The following INTS9 variants were observed in gnomAD, a reference collection of about 807,000 sequenced individuals.
INTS9 encodes the protein integrator complex subunit 9, also known as protein related to CPSF subunits of 74 kDa.
INTS9 carries 55 observed loss-of-function variants against 79.7 expected under a neutral mutation model. The ratio of observed to expected loss-of-function variants is 0.69; its 90% CI spans 0.56 to 0.86. The LOEUF (loss-of-function observed/expected upper bound fraction) is 0.86, where lower values mean the gene tolerates loss of function less well. INTS9 is among the 40% of genes least tolerant of loss of function. The pLI is 0.00. For synonymous variants in INTS9, 319 were observed against 325.2 expected (o/e 0.98, Z 0.20); for missense variants, 721 against 831.5 (o/e 0.87, Z 1.64).
In INTS9 at chr8:28,849,682, G is replaced by C. The variant is rs1807719383; in HGVS notation, c.198+531C>G. On this transcript the variant is annotated intron_variant, in intron 3 of 16. Transcript: ENST00000521022. ...TGGACCGTTCCCCACACAGTGGCCA[G>C]AGTGATCCGATCTGACAATGCCACT... Among the ~76,000 whole-genome samples the C allele has an allele frequency of 2.6e-5, 4 of 152,126 alleles. No individual in the cohort carries two copies. The South Asian group carries it at 8.3e-4, about 32-fold the overall frequency.
chr8:28,857,020 T>C (rs1808205613), intron 2 of INTS9, among the ~76,000 whole-genome samples: 1 of 152,198 alleles, frequency 6.6e-6, no homozygotes, highest in African/African-American at 2.4e-5. Flanking sequence ...TGGCCTCCAG[T>C]TGCATCCATG....
At chr8:28,819,799 T>C (rs1019629313) in intron 6 of INTS9, among the ~76,000 whole-genome samples, 2 of 152,212 alleles carry the variant, frequency 1.3e-5, no homozygotes, top group African/African-American at 2.4e-5. Flanking sequence ...AGTCTCTTTG[T>C]AGGTCACTCA....
rs867764608 is a variant in INTS9, at chr8:28,881,929, C to G, written c.9+7945G>C. On this transcript the variant is annotated intron_variant, in intron 1 of 16. Transcript: ENST00000521022. ...CTGGGAAGTGAGGAGCCCCTCTGCC[C>G]GGCCACGACCCCGTCTGGGAGGTGT... Among the ~76,000 whole-genome samples the G allele has an allele frequency of 4.1e-5, 5 of 122,490 alleles. No homozygotes were observed. In the South Asian group the frequency reaches 1.0e-3, roughly 25 times the overall value. 80.4% of individuals were successfully genotyped at this position (122,490 alleles called of 152,430 possible).
intron 10 of INTS9, among the ~76,000 whole-genome samples, chr8:28,789,182 G>C (rs1037116454): frequency 1.2e-4 from 19 of 152,180 alleles, no homozygotes; most frequent in South Asian, 4.1e-4. Context: ...AAATATAAGA[G>C]CTTGGTTCTA....
intron 11 of INTS9, among the ~76,000 whole-genome samples, chr8:28,782,111 T>C (rs1216811817): frequency 6.6e-6 from 1 of 152,220 alleles, no homozygotes; most frequent in East Asian, 1.9e-4. Flanking sequence ...CTTATTAAAA[T>C]AGTTTTTACC....
chr8:28,848,998 G>A (rs982909546), intron 3 of INTS9, among the ~76,000 whole-genome samples: 3 of 152,192 alleles, frequency 2.0e-5, no homozygotes, highest in Non-Finnish European at 4.4e-5. Context: ...AGTCAGCTCT[G>A]AAGAAAATCT....
At chr8:28,796,766 C>T (rs1441632302) in intron 8 of INTS9, 111 bp from the exon 9 acceptor site, 13 of 734,842 alleles carry the variant, frequency 1.8e-5, no homozygotes, top group Non-Finnish European at 2.9e-5. Flanking sequence ...AACCCATCAT[C>T]GAGTTCTCTT....
chr8:28,770,137 C>T lies in INTS9; in HGVS notation c.1663-111G>A, dbSNP rs1802446897. ...CCTGTCCTCACAGGCCACAGAGCCCCGGCCCGGTTTCCTCAGCCGGCACTC... is the reference window on the plus strand; with the variant it reads ...CCTGTCCTCACAGGCCACAGAGCCCTGGCCCGGTTTCCTCAGCCGGCACTC... On this transcript the variant is annotated intron_variant, in intron 15 of 16. Transcript: ENST00000521022. 4.8e-5 allele frequency: 66 copies of T among 1,371,254 alleles called. 1 individual carries two copies. In the South Asian group the frequency reaches 8.5e-4, roughly 18 times the overall value. The allele number at this position is 1,371,254 out of a possible 1,614,324, so 84.9% of individuals were successfully genotyped here.
chr8:28,778,278 A>G (rs1338126205), intron 12 of INTS9, among the ~76,000 whole-genome samples: 3 of 152,232 alleles, frequency 2.0e-5, no homozygotes, highest in African/African-American at 4.8e-5. Context: ...CCGTTTGGCA[A>G]CCATTACAGT....
rs1393420461 is a variant in INTS9, at chr8:28,856,582, C to G, written c.137+2854G>C. 2.0e-5 allele frequency among the ~76,000 whole-genome samples: 3 copies of G among 152,086 alleles called. No homozygotes were observed. The East Asian group carries it at 5.8e-4, about 29-fold the overall frequency. On this transcript the variant is annotated intron_variant, in intron 2 of 16. Transcript: ENST00000521022. ...GGACTACAGGCACACACCACCATGCCTAGCTAATTTTAAAATTTTTGGTAG... is the reference window on the plus strand; with the variant it reads ...GGACTACAGGCACACACCACCATGCGTAGCTAATTTTAAAATTTTTGGTAG...
intron 10 of INTS9, among the ~76,000 whole-genome samples, chr8:28,791,760 A>T (rs1258419027): frequency 6.6e-6 from 1 of 152,228 alleles, no homozygotes; most frequent in Non-Finnish European, 1.5e-5. Context: ...TTTGGCACTT[A>T]AAGGTTTATG....
chr8:28,812,609 G>T, intron 7 of INTS9, 148 bp from the exon 8 acceptor site: 1 of 862,346 alleles, frequency 1.2e-6, no homozygotes, highest in Non-Finnish European at 1.7e-6. Context: ...AATGGCTCAC[G>T]CCTGTAATCC....
At chr8:28,778,662 T>C (rs573560339) in intron 12 of INTS9, among the ~76,000 whole-genome samples, 1 of 152,122 alleles carries the variant, frequency 6.6e-6, no homozygotes, top group East Asian at 1.9e-4. Context: ...CAGGGAACAT[T>C]CCCCCAACTC....
At chr8:28,802,955 A>AT (rs1349931974) in intron 8 of INTS9, among the ~76,000 whole-genome samples, 1 of 151,840 alleles carries the variant, frequency 6.6e-6, no homozygotes, top group African/African-American at 2.4e-5. Flanking sequence ...ACAAAAAAAA[A>AT]AAAAAAAAAA....
intron 9 of INTS9, among the ~76,000 whole-genome samples, chr8:28,795,493 A>G (rs1804154874): frequency 1.3e-5 from 2 of 152,014 alleles, no homozygotes; most frequent in Admixed American, 1.3e-4. Flanking sequence ...TACAAAAATT[A>G]GCCGGGCACA....
intron 2 of INTS9, among the ~76,000 whole-genome samples, chr8:28,852,624 ACT>A (rs1307567041): frequency 3.3e-5 from 5 of 152,296 alleles, no homozygotes; most frequent in Admixed American, 2.6e-4. Flanking sequence ...AAGGACACAC[ACT>A]CTGTCCGTTC....
chr8:28,886,193 G>C (rs1000999515), intron 1 of INTS9, among the ~76,000 whole-genome samples: 1 of 152,112 alleles, frequency 6.6e-6, no homozygotes, highest in Non-Finnish European at 1.5e-5. Flanking sequence ...AGCTCATCAA[G>C]AAAGTCCTCA....
intron 4 of INTS9, among the ~76,000 whole-genome samples, chr8:28,839,253 AAGG>A (rs1807011203): frequency 6.6e-6 from 1 of 152,200 alleles, no homozygotes; most frequent in Non-Finnish European, 1.5e-5. Context: ...GGACCTCTTC[AAGG>A]AGAACTACAA....
At chr8:28,770,527 T>C (rs1035868894) in intron 15 of INTS9, among the ~76,000 whole-genome samples, 1 of 152,200 alleles carries the variant, frequency 6.6e-6, no homozygotes, top group Non-Finnish European at 1.5e-5. Context: ...TCTAATAGAC[T>C]TTAAGTGGTA....
Sources: allele counts gnomAD v4.1 joint callset (sites outside exome capture counted in the v4.1 genomes callset), GRCh38; gene constraint gnomAD v4.1.1; transcripts MANE v1.5; gene names NCBI Gene and HGNC (gene_info 2026-07-23, HGNC 2026-07-21).